Variants in FARP2 observed in about 807,000 individuals in gnomAD.
FARP2 encodes the protein FERM, ARHGEF and pleckstrin domain-containing protein 2.
FARP2 carries 111 observed loss-of-function variants against 130.5 expected under a neutral mutation model. That is an observed-to-expected ratio of 0.85 (90% CI 0.73 to 1.00). The LOEUF is 1.00. Among genes scored for constraint, FARP2 ranks in the 50% least tolerant of loss-of-function variants. The pLI, the probability that FARP2 is intolerant of heterozygous loss-of-function variation, is 0.00. For missense variants in FARP2, 1,385 were observed against 1,346.3 expected, an observed-to-expected ratio of 1.03 and a Z score of -0.45; for synonymous variants, 504 against 516.9, an observed-to-expected ratio of 0.98 and a Z score of 0.34.
intron 8 of FARP2, among the ~76,000 whole-genome samples, chr2:241,430,702 C>A (rs1483160663): frequency 1.3e-5 from 2 of 151,960 alleles, no homozygotes; most frequent in Non-Finnish European, 2.9e-5. Flanking sequence ...GCAATAAAAC[C>A]TTATCAAAGA....
At chr2:241,442,244 C>G (rs1333350671) in intron 13 of FARP2, 1 of 456,718 alleles carries the variant, frequency 2.2e-6, no homozygotes, top group East Asian at 6.9e-5. Flanking sequence ...GAGGCCAGCT[C>G]CATGGTCAAC....
intron 12 of FARP2, among the ~76,000 whole-genome samples, chr2:241,437,273 A>C (rs889538404): frequency 6.6e-6 from 1 of 152,218 alleles, no homozygotes; most frequent in African/African-American, 2.4e-5. Flanking sequence ...AGATACACCA[A>C]CTCACACAGA....
Position 241,406,225 on chromosome 2 carries a change from A to G in FARP2, c.332-1312A>G, listed in dbSNP as rs1278096636. On this transcript the variant is annotated intron_variant, in intron 4 of 26. Coordinates refer to ENST00000264042, the MANE Select transcript of FARP2 (RefSeq NM_014808.4). ...CAGGAGGCTGGGGCAGGAGAATGGC[A>G]TGAACCTGGAAGGCGGAGCTTGCAG... 2.7e-5 allele frequency among the ~76,000 whole-genome samples: 4 copies of G among 148,128 alleles called. No individual in the cohort carries two copies. In the East Asian group the frequency reaches 8.3e-4, roughly 31 times the overall value.
chr2:241,477,770 T>G lies in FARP2; in HGVS notation c.2262+1783T>G, dbSNP rs148340726. 1,010 of 152,502 alleles carry G rather than the reference T, an allele frequency of 6.6e-3. 7 individuals are homozygous for G. Among genetic ancestry groups the G allele is most frequent in the Middle Eastern group, 0.034 (10 of 294 alleles). The allele number at this position is 152,502 out of a possible 1,614,324, so 9.4% of individuals were successfully genotyped here. ...AGCCATTTTAGTGAGTGTGTAATGC[T>G]GTCTTGTGTGGTTACAATTTGTATT... On this transcript the variant is annotated intron_variant, in intron 19 of 26. Transcript: ENST00000264042.
intron 10 of FARP2, among the ~76,000 whole-genome samples, 199 bp from the exon 11 acceptor site, chr2:241,434,763 A>C (rs572126483): frequency 9.9e-5 from 15 of 152,248 alleles, no homozygotes; most frequent in Admixed American, 2.6e-4. Flanking sequence ...GAGGCATGAG[A>C]ATCGCTTAAA....
intron 2 of FARP2, among the ~76,000 whole-genome samples, chr2:241,375,080 G>T (rs2061504935): frequency 6.6e-6 from 1 of 152,042 alleles, no homozygotes; most frequent in Non-Finnish European, 1.5e-5. Context: ...CCGAGTAGCT[G>T]GGACTACAGG....
At position 241,368,449 on chromosome 2, in the gene FARP2, A is replaced by G. The variant is rs145871919; in HGVS notation, c.-24-4635A>G. ...CATGGCCTTGCCGTGTTCCTAGTCT[A>G]GCCTGTGTGTTCTTGCCTCTTTAAT... On this transcript the variant is annotated intron_variant, in intron 1 of 26. Transcript: ENST00000264042. Among the ~76,000 whole-genome samples, 153 of 152,260 alleles carry G rather than the reference A, an allele frequency of 1.0e-3. 4 individuals carry two copies. Among genetic ancestry groups the G allele is most frequent in the African/African-American group, 3.6e-3 (149 of 41,506 alleles).
intron 1 of FARP2, among the ~76,000 whole-genome samples, chr2:241,369,050 G>A (rs1319805365): frequency 6.6e-6 from 1 of 152,022 alleles, no homozygotes; most frequent in Non-Finnish European, 1.5e-5. Context: ...GTATCTTGTT[G>A]TGGCCCTGCA....
At chr2:241,488,318 G>A (rs1238791937) in intron 21 of FARP2, 2 of 151,964 alleles carry the variant, frequency 1.3e-5, no homozygotes, top group East Asian at 1.9e-4. Context: ...ATGGGCTCAG[G>A]AAGTTCTTCC....
intron 8 of FARP2, 77 bp downstream of exon 8, chr2:241,418,186 G>A: frequency 1.3e-6 from 2 of 1,510,782 alleles, no homozygotes; most frequent in Non-Finnish European, 9.1e-7. Flanking sequence ...TGTTCTTATA[G>A]ATGTTAGTAA....
intron 2 of FARP2, among the ~76,000 whole-genome samples, chr2:241,382,574 C>G (rs956207795): frequency 6.6e-6 from 1 of 152,202 alleles, no homozygotes; most frequent in Non-Finnish European, 1.5e-5. Flanking sequence ...TGAGCCACCA[C>G]ACCCAGTCTA....
chr2:241,367,183 C>G (rs2061337395), intron 1 of FARP2, among the ~76,000 whole-genome samples: 1 of 151,986 alleles, frequency 6.6e-6, no homozygotes, highest in African/African-American at 2.4e-5. Flanking sequence ...TCTGCAGCAC[C>G]CTTCTCCCCA....
chr2:241,405,973 A>T (rs563111111), intron 4 of FARP2, among the ~76,000 whole-genome samples: 24 of 151,822 alleles, frequency 1.6e-4, no homozygotes, highest in East Asian at 3.9e-4. Flanking sequence ...ACTTTTTTTT[A>T]AAAAAAACTT....
chr2:241,447,796 G>A (rs2063545988), intron 13 of FARP2, among the ~76,000 whole-genome samples: 1 of 152,216 alleles, frequency 6.6e-6, no homozygotes, highest in African/African-American at 2.4e-5. Flanking sequence ...GGTGGGGGCA[G>A]GGCTTTGGAC....
At chr2:241,417,514 G>A (rs980920452) in intron 7 of FARP2, among the ~76,000 whole-genome samples, 1 of 152,106 alleles carries the variant, frequency 6.6e-6, no homozygotes, top group South Asian at 2.1e-4. Flanking sequence ...GCAGAGACAG[G>A]GTTTCGCCAT....
chr2:241,489,800 C>T, intron 21 of FARP2, 162 bp from the exon 22 acceptor site: 1 of 577,180 alleles, frequency 1.7e-6, no homozygotes, highest in Non-Finnish European at 3.1e-6. Context: ...CGCAGGGATA[C>T]CAGTGTCCTC....
intron 12 of FARP2, 33 bp downstream of exon 12, chr2:241,436,571 A>C (rs771712558): frequency 6.3e-7 from 1 of 1,577,654 alleles, no homozygotes; most frequent in Non-Finnish European, 8.7e-7. Context: ...TGGGGGCAGT[A>C]GGAGTTCCCT....
At chr2:241,485,408 T>C (rs2064727250) in intron 21 of FARP2, among the ~76,000 whole-genome samples, 1 of 151,280 alleles carries the variant, frequency 6.6e-6, no homozygotes, top group South Asian at 2.1e-4. Context: ...CCTCCCTCCC[T>C]GGGATCCTCC....
At chr2:241,474,954 C>G (rs1433700932) in intron 18 of FARP2, among the ~76,000 whole-genome samples, 1 of 152,168 alleles carries the variant, frequency 6.6e-6, no homozygotes, top group Non-Finnish European at 1.5e-5. Context: ...CGCCACCACT[C>G]TCAGCATGGC....
Sources: gnomAD v4.1 joint callset for allele counts (sites outside exome capture counted in the v4.1 genomes callset) on GRCh38, gnomAD v4.1.1 for gene constraint, MANE v1.5 for transcripts, NCBI Gene and HGNC (gene_info 2026-07-23, HGNC 2026-07-21) for gene names.